Variants in FIG4 observed in about 807,000 individuals in gnomAD.
FIG4 encodes FIG4 phosphoinositide 5-phosphatase.
A neutral mutation model predicts 118.6 loss-of-function variants in FIG4; 112 were observed. The observed-to-expected ratio is 0.94, with a 90% confidence interval of 0.81 to 1.11. The LOEUF (loss-of-function observed/expected upper bound fraction) is 1.11. Among genes scored for constraint, FIG4 ranks in the 50% least tolerant of loss-of-function variants. The pLI is 0.00. For missense variants in FIG4, 969 were observed against 1,111.7 expected (o/e 0.87, Z 1.83); for synonymous variants, 369 against 381.2 (o/e 0.97, Z 0.37).
intron 15 of FIG4, among the ~76,000 whole-genome samples, chr6:109,767,293 A>G (rs1393579159): frequency 1.3e-5 from 2 of 152,242 alleles, no homozygotes; most frequent in African/African-American, 2.4e-5. Flanking sequence ...TAAAATGTCA[A>G]CTAGAAACAA....
At chr6:109,732,962 A>G (rs1254979219) in intron 5 of FIG4, among the ~76,000 whole-genome samples, 1 of 152,144 alleles carries the variant, frequency 6.6e-6, no homozygotes. Flanking sequence ...CTCATTTTGT[A>G]ATCTTAAATT....
intron 22 of FIG4, among the ~76,000 whole-genome samples, chr6:109,815,866 G>A (rs1412895790): frequency 6.6e-6 from 1 of 151,766 alleles, no homozygotes; most frequent in Non-Finnish European, 1.5e-5. Context: ...AGATTATGGG[G>A]GGGGGCACTC....
chr6:109,707,992 C>CTTTTTTTTTTTTTTTTTTT (rs548333111), intron 1 of FIG4, among the ~76,000 whole-genome samples: 2 of 141,508 alleles, frequency 1.4e-5, no homozygotes, highest in Non-Finnish European at 1.5e-5. Flanking sequence ...TCTCAGTATT[C>CTTTTTTTTTTTTTTTTTTT]TTTTTTTTTT....
At chr6:109,716,671 A>G (rs1363585435) in intron 3 of FIG4, 103 bp downstream of exon 3, 2 of 1,329,192 alleles carry the variant, frequency 1.5e-6, no homozygotes, top group Middle Eastern at 1.8e-4. Context: ...CTTTAAAATT[A>G]TAATTACCTG....
chr6:109,748,226 T>C (rs1776566188), intron 10 of FIG4, among the ~76,000 whole-genome samples: 1 of 152,172 alleles, frequency 6.6e-6, no homozygotes, highest in African/African-American at 2.4e-5. Flanking sequence ...GCCTGCCTTC[T>C]TCCAGCAGGC....
chr6:109,822,789 A>ATG (rs1443151827), intron 22 of FIG4, among the ~76,000 whole-genome samples: 206 of 5,706 alleles, frequency 0.036, no homozygotes, highest in African/African-American at 0.064. Context: ...GTGTGTATGT[A>ATG]TATATATATA....
intron 16 of FIG4, among the ~76,000 whole-genome samples, chr6:109,782,301 A>G (rs1353631220): frequency 6.6e-6 from 1 of 152,176 alleles, no homozygotes; most frequent in Non-Finnish European, 1.5e-5. Flanking sequence ...TCTTGGGCTT[A>G]GTCGTCTTAG....
intron 15 of FIG4, among the ~76,000 whole-genome samples, chr6:109,770,075 A>G (rs1777413198): frequency 6.6e-6 from 1 of 152,162 alleles, no homozygotes; most frequent in Non-Finnish European, 1.5e-5. Flanking sequence ...ACATGCTAGC[A>G]TGCATGTTGG....
rs536521660 is a variant in FIG4, at chr6:109,772,406, A to G, written c.1751-4516A>G. Among the ~76,000 whole-genome samples, 9 of 152,232 alleles carry G rather than the reference A, an allele frequency of 5.9e-5. 1 individual carries two copies. Among genetic ancestry groups the G allele is most frequent in the Middle Eastern group, 6.8e-3 (2 of 294 alleles). ...TTAACTTCTCATGAACTCCAGACTC[A>G]TTTATCTAAATGTCTACCTAGCATC... is the stretch of plus-strand genomic sequence containing the variant. On this transcript the variant is annotated intron_variant, in intron 15 of 22. Coordinates refer to ENST00000230124, the MANE Select transcript of FIG4 (RefSeq NM_014845.6).
At chr6:109,818,202 CTT>C (rs71830695) in intron 22 of FIG4, among the ~76,000 whole-genome samples, 15 of 144,880 alleles carry the variant, frequency 1.0e-4, no homozygotes, top group African/African-American at 1.5e-4. Flanking sequence ...ATTCACATAA[CTT>C]TTTTTTTTTT....
Position 109,738,409 on chromosome 6 carries a change from G to A in FIG4, c.731G>A (p.Arg244His), listed in dbSNP as rs768175169. 1.6e-5 allele frequency: 25 copies of A among 1,612,692 alleles called. No individual in the cohort carries two copies. Among genetic ancestry groups the A allele is most frequent in the East Asian group, 1.1e-4 (5 of 44,800 alleles). The stretch of plus-strand genomic sequence containing the variant: ...GATATAATTAAAAGTACTGTGCATC[G>A]TGACTGGCTTTTGTATATTATTCAT... ...LLDIIKSTVHRDWLLYIIHGF... is the reference protein window; with the variant it reads ...LLDIIKSTVHHDWLLYIIHGF... Residue 244 changes from arginine to histidine, a missense_variant, in exon 7 of 23, where the codon CGT becomes CAT. Transcript: ENST00000230124.
chr6:109,790,278 C>T (rs1164630644), intron 19 of FIG4, among the ~76,000 whole-genome samples: 2 of 152,176 alleles, frequency 1.3e-5, no homozygotes, highest in African/African-American at 4.8e-5. Flanking sequence ...ATACAGAGTC[C>T]TAATTGTATG....
At chr6:109,798,216 G>T (rs1053376567) in intron 22 of FIG4, among the ~76,000 whole-genome samples, 1 of 152,108 alleles carries the variant, frequency 6.6e-6, no homozygotes, top group African/African-American at 2.4e-5. Flanking sequence ...TTGAGAATGG[G>T]ATGGATCTGG....
chr6:109,727,081 A>G, intron 3 of FIG4, 28 bp from the exon 4 acceptor site: 1 of 1,555,010 alleles, frequency 6.4e-7, no homozygotes, highest in Non-Finnish European at 8.9e-7. Flanking sequence ...TTTATAAAGC[A>G]TATTTCTCTT....
chr6:109,752,458 G>A (rs561071845), intron 10 of FIG4, among the ~76,000 whole-genome samples: 10 of 151,970 alleles, frequency 6.6e-5, no homozygotes, highest in East Asian at 5.8e-4. Context: ...CCCACCAACA[G>A]TGTAAAAGTG....
intron 1 of FIG4, among the ~76,000 whole-genome samples, chr6:109,695,510 A>T (rs1161986091): frequency 6.6e-6 from 1 of 151,968 alleles, no homozygotes; most frequent in African/African-American, 2.4e-5. Context: ...GACTCTCTCA[A>T]AACACTCTCA....
chr6:109,706,756 G>C lies in FIG4; in HGVS notation c.67-8322G>C, dbSNP rs531385976. On this transcript the variant is annotated intron_variant, in intron 1 of 22. Transcript: ENST00000230124. ...CATTTTCTCGCTTATTCTTGTGCCT[G>C]TAACAAACATACCATCTTCTTCCCT... is the stretch of plus-strand genomic sequence containing the variant. 4.6e-5 allele frequency among the ~76,000 whole-genome samples: 7 copies of C among 152,182 alleles called. No individual in the cohort carries two copies. In the South Asian group the frequency reaches 1.4e-3, roughly 31 times the overall value.
At chr6:109,791,110 C>T (rs1778123018) in intron 19 of FIG4, among the ~76,000 whole-genome samples, 1 of 152,070 alleles carries the variant, frequency 6.6e-6, no homozygotes, top group African/African-American at 2.4e-5. Flanking sequence ...GCATGGTAAC[C>T]AAGTGGTGAG....
At chr6:109,708,730 C>CT (rs530224836) in intron 1 of FIG4, among the ~76,000 whole-genome samples, 246 of 152,014 alleles carry the variant, frequency 1.6e-3, no homozygotes, top group African/African-American at 5.0e-3. Context: ...TGATGCAGAG[C>CT]TTTTTTTTCA....
Sources: gnomAD v4.1 joint callset for allele counts (sites outside exome capture counted in the v4.1 genomes callset) on GRCh38, gnomAD v4.1.1 for gene constraint, MANE v1.5 for transcripts, NCBI Gene and HGNC (gene_info 2026-07-23, HGNC 2026-07-21) for gene names.